The following LRRC7 variants were observed in gnomAD, a reference collection of about 807,000 sequenced individuals.
The protein encoded by LRRC7 is leucine-rich repeat-containing protein 7.
LRRC7 carries 23 observed loss-of-function variants against 175.7 expected under a neutral mutation model. The ratio of observed to expected loss-of-function variants is 0.13; its 90% CI spans 0.09 to 0.19. The LOEUF (loss-of-function observed/expected upper bound fraction) is 0.19. Ranked by LOEUF, LRRC7 falls within the 10% of genes least tolerant of loss-of-function variation. LRRC7 has a pLI of 1.00. For missense variants in LRRC7, 1,354 were observed against 1,904.7 expected (o/e 0.71, Z 5.38); for synonymous variants, 685 against 680.9 (o/e 1.01, Z -0.09).
At chr1:69,915,629 T>G (rs1217668747) in intron 7 of LRRC7, among the ~76,000 whole-genome samples, 1 of 152,068 alleles carries the variant, frequency 6.6e-6, no homozygotes, top group Admixed American at 6.6e-5. Context: ...AGCGTAACAT[T>G]TTTTTCAACA....
chr1:69,947,130 A>AATAC (rs1434513256), intron 8 of LRRC7, among the ~76,000 whole-genome samples: 1 of 151,568 alleles, frequency 6.6e-6, no homozygotes, highest in Admixed American at 6.6e-5. Context: ...TAAATAAATA[A>AATAC]ATAAATAAAT....
chr1:69,615,522 A>C (rs531063131), intron 1 of LRRC7, among the ~76,000 whole-genome samples: 1 of 152,214 alleles, frequency 6.6e-6, no homozygotes, highest in African/African-American at 2.4e-5. Context: ...CAATGCCAAC[A>C]GCTTTCTACT....
chr1:69,822,573 A>G (rs1679427509), intron 4 of LRRC7, among the ~76,000 whole-genome samples: 1 of 152,148 alleles, frequency 6.6e-6, no homozygotes, highest in African/African-American at 2.4e-5. Context: ...TGCCCTCAGT[A>G]TTCTAAGTGG....
Position 69,781,763 on chromosome 1 carries a change from GAGAA to G in LRRC7, c.304-10257_304-10254del, listed in dbSNP as rs1553155162. ...AGAGAGAGAGAGAGAGAGAGAGAGA[GAGAA>G]AGAAAGAAAGAAAGAAAGAAAGGAA... On this transcript the variant is annotated intron_variant, in intron 3 of 26. Transcript: ENST00000651989. Among the ~76,000 whole-genome samples, 40 of 39,214 alleles carry G rather than the reference GAGAA, an allele frequency of 1.0e-3. 1 individual carries two copies. Among genetic ancestry groups the G allele is most frequent in the African/African-American group, 2.3e-3 (14 of 6,116 alleles). 25.7% of individuals were successfully genotyped at this position (39,214 alleles called of 152,430 possible).
intron 5 of LRRC7, among the ~76,000 whole-genome samples, chr1:69,830,847 TA>T (rs1475535843): frequency 2.6e-5 from 4 of 151,930 alleles, no homozygotes; most frequent in Non-Finnish European, 5.9e-5. Context: ...ACCAGCCTGA[TA>T]AAAACTGACT....
intron 1 of LRRC7, among the ~76,000 whole-genome samples, chr1:69,659,212 T>C (rs1657083509): frequency 6.6e-6 from 1 of 151,676 alleles, no homozygotes; most frequent in Admixed American, 6.6e-5. Context: ...TGATGCATAA[T>C]AGAGAGGTTG....
At chr1:69,575,150 C>T (rs1645893289) in intron 1 of LRRC7, among the ~76,000 whole-genome samples, 1 of 151,936 alleles carries the variant, frequency 6.6e-6, no homozygotes, top group Non-Finnish European at 1.5e-5. Context: ...GAAACTGAGG[C>T]CCCACTAAGT....
chr1:69,997,995 C>G (rs1005974567), intron 11 of LRRC7, among the ~76,000 whole-genome samples: 5 of 152,178 alleles, frequency 3.3e-5, no homozygotes, highest in Middle Eastern at 3.4e-3. Flanking sequence ...CCTCCTTGTA[C>G]CTCTGGTAGA....
At position 70,098,976 on chromosome 1, in the gene LRRC7, C is replaced by A. The variant is rs916324015; in HGVS notation, c.4546-8776C>A. Among the ~76,000 whole-genome samples, 13 of 152,224 alleles carry A rather than the reference C, an allele frequency of 8.5e-5. No individual in the cohort carries two copies. The East Asian group carries it at 2.3e-3, about 27-fold the overall frequency. ...ATCCTCCCTAACTCATTTTATGAGG[C>A]CAGCATCATTCTGATACCAAAGCCA... On this transcript the variant is annotated intron_variant, in intron 25 of 26. Coordinates refer to ENST00000651989, the MANE Select transcript of LRRC7 (RefSeq NM_001370785.2).
chr1:69,618,557 T>C (rs1773340), intron 1 of LRRC7, among the ~76,000 whole-genome samples: 19,532 of 152,156 alleles, frequency 0.13, 1,600 homozygotes, highest in South Asian at 0.19. Context: ...GAGACAATTG[T>C]TTTTGGTCTT....
intron 2 of LRRC7, among the ~76,000 whole-genome samples, chr1:69,712,513 G>A (rs952995082): frequency 6.6e-6 from 1 of 152,046 alleles, no homozygotes; most frequent in East Asian, 1.9e-4. Context: ...CAGAGGCAGG[G>A]AGAATTGCTT....
At chr1:70,080,616 A>G (rs1338722761) in intron 24 of LRRC7, among the ~76,000 whole-genome samples, 4 of 152,226 alleles carry the variant, frequency 2.6e-5, no homozygotes, top group Admixed American at 6.5e-5. Context: ...TATGGAAGTT[A>G]TGTTTCAACT....
At chr1:69,798,068 C>T (rs1306820151) in intron 4 of LRRC7, among the ~76,000 whole-genome samples, 1 of 151,954 alleles carries the variant, frequency 6.6e-6, no homozygotes, top group African/African-American at 2.4e-5. Context: ...ATTACAGGCG[C>T]CTGTCAACAC....
chr1:70,091,737 T>G (rs1664047905), intron 25 of LRRC7, among the ~76,000 whole-genome samples: 1 of 152,224 alleles, frequency 6.6e-6, no homozygotes, highest in South Asian at 2.1e-4. Flanking sequence ...GAGACTGAAC[T>G]ATGTCTATGA....
intron 1 of LRRC7, among the ~76,000 whole-genome samples, chr1:69,570,424 G>A (rs1053260599): frequency 1.1e-4 from 17 of 151,074 alleles, no homozygotes; most frequent in African/African-American, 4.1e-4. Context: ...TTTTTTTACC[G>A]CCCACCCTTC....
chr1:69,696,358 T>G (rs922442597), intron 2 of LRRC7, among the ~76,000 whole-genome samples: 1 of 152,228 alleles, frequency 6.6e-6, no homozygotes, highest in East Asian at 1.9e-4. Context: ...TGGGAAAGTT[T>G]ACCCAATGCC....
chr1:69,653,437 C>A (rs1656157979), intron 1 of LRRC7, among the ~76,000 whole-genome samples: 1 of 151,956 alleles, frequency 6.6e-6, no homozygotes, highest in Non-Finnish European at 1.5e-5. Flanking sequence ...CACCTCTTAT[C>A]TGTCAAGATG....
intron 7 of LRRC7, among the ~76,000 whole-genome samples, chr1:69,842,457 A>G (rs1488012096): frequency 6.6e-6 from 1 of 152,176 alleles, no homozygotes; most frequent in African/African-American, 2.4e-5. Context: ...AAAAAGAAAC[A>G]TAAATTAAGG....
chr1:69,631,283 AT>A lies in LRRC7; in HGVS notation c.3-47089del, dbSNP rs536835265. 1.7e-3 allele frequency among the ~76,000 whole-genome samples: 264 copies of A among 151,542 alleles called. 1 individual carries two copies. Among genetic ancestry groups the A allele is most frequent in the African/African-American group, 6.1e-3 (251 of 41,306 alleles). ...CCAAAGTAAGCACATTTTCTATGAAATTTTTTTTTCTGCTGTTTTACATGAT... is the reference window on the plus strand; with the variant it reads ...CCAAAGTAAGCACATTTTCTATGAAATTTTTTTTCTGCTGTTTTACATGAT... On this transcript the variant is annotated intron_variant, in intron 1 of 26. Coordinates refer to ENST00000651989, the MANE Select transcript of LRRC7 (RefSeq NM_001370785.2).
Sources: allele counts gnomAD v4.1 joint callset (sites outside exome capture counted in the v4.1 genomes callset), GRCh38; gene constraint gnomAD v4.1.1; transcripts MANE v1.5; gene names NCBI Gene and HGNC (gene_info 2026-07-23, HGNC 2026-07-21).